The following OSBPL10 variants were observed in gnomAD, a reference collection of about 807,000 sequenced individuals.
OSBPL10 encodes oxysterol binding protein like 10.
OSBPL10 carries 49 observed loss-of-function variants against 81.7 expected under a neutral mutation model. That is an observed-to-expected ratio of 0.60 (90% CI 0.48 to 0.76). The LOEUF (loss-of-function observed/expected upper bound fraction) is 0.76, where lower values mean the gene tolerates loss of function less well. OSBPL10 is among the 30% of genes least tolerant of loss of function. The pLI is 0.00. For synonymous variants in OSBPL10, 419 were observed against 383.6 expected, an observed-to-expected ratio of 1.09 and a Z score of -1.08; for missense variants, 923 against 987.8, an observed-to-expected ratio of 0.93 and a Z score of 0.88.
At chr3:31,981,994 G>A (rs949623194), upstream of OSBPL10, 1 of 152,224 alleles carries the variant, frequency 6.6e-6, no homozygotes, top group Non-Finnish European at 1.5e-5. This position sits in a 1 kb window ranked among gnomAD's most constrained non-coding sequence, Gnocchi z 4.5. Context: ...GAACTCTCAG[G>A]TTTGTGCGAG....
At chr3:31,973,913 T>C (rs1354221737) in intron 1 of OSBPL10, among the ~76,000 whole-genome samples, 2 of 152,210 alleles carry the variant, frequency 1.3e-5, no homozygotes, top group South Asian at 4.1e-4. Context: ...AGTCAAAAAC[T>C]GGAAACAGCC....
At chr3:31,924,769 A>G (rs1697023184) in intron 1 of OSBPL10, among the ~76,000 whole-genome samples, 1 of 152,182 alleles carries the variant, frequency 6.6e-6, no homozygotes, top group South Asian at 2.1e-4. Flanking sequence ...TGTACCACTA[A>G]GGCAGCTATA....
chr3:31,661,979 T>A lies in OSBPL10; in HGVS notation c.*93A>T. Reference sequence around the variant, plus strand: ...TCATTTCTTGGATGCTAATACAAGGTCTCAGTGAATGCCAACAAAACCCTG... The same window carrying A: ...TCATTTCTTGGATGCTAATACAAGGACTCAGTGAATGCCAACAAAACCCTG... On this transcript the variant is annotated 3_prime_UTR_variant, in exon 12 of 12. Transcript: ENST00000396556. 1 of 1,529,290 alleles carries A rather than the reference T, an allele frequency of 6.5e-7. No individual in the cohort carries two copies. Among genetic ancestry groups the A allele is most frequent in the Non-Finnish European group, 8.9e-7 (1 of 1,124,890 alleles). The allele number at this position is 1,529,290 out of a possible 1,614,324, so 94.7% of individuals were successfully genotyped here.
At chr3:31,662,187 C>G in intron 11 of OSBPL10, 71 bp from the exon 12 acceptor site, 3 of 1,607,750 alleles carry the variant, frequency 1.9e-6, no homozygotes, top group Non-Finnish European at 2.5e-6. Context: ...CAAGGATAAC[C>G]GCAGCCACTC....
At chr3:31,992,589 T>C (rs1436768603) in intron 2 of OSBPL10, among the ~76,000 whole-genome samples, 10 of 152,166 alleles carry the variant, frequency 6.6e-5, no homozygotes, top group Admixed American at 1.3e-4. Flanking sequence ...TGCATCTCCT[T>C]CTCTGACTCT....
At chr3:31,993,775 T>G (rs1699061145) in intron 2 of OSBPL10, among the ~76,000 whole-genome samples, 1 of 151,938 alleles carries the variant, frequency 6.6e-6, no homozygotes, top group African/African-American at 2.4e-5. Context: ...CTGGTGAGAG[T>G]GCAAAATAAT....
chr3:31,848,085 C>T (rs1026628185), intron 3 of OSBPL10, among the ~76,000 whole-genome samples: 2 of 152,026 alleles, frequency 1.3e-5, no homozygotes, highest in Non-Finnish European at 2.9e-5. Flanking sequence ...TCACAGGTGT[C>T]GCCAGTTTGT....
At chr3:31,715,583 T>A (rs1408531182) in intron 6 of OSBPL10, among the ~76,000 whole-genome samples, 1 of 152,190 alleles carries the variant, frequency 6.6e-6, no homozygotes, top group Non-Finnish European at 1.5e-5. Context: ...AAATTCCTGA[T>A]GAAACACCAC....
intron 1 of OSBPL10, among the ~76,000 whole-genome samples, chr3:32,057,488 G>A (rs909471736): frequency 6.6e-6 from 1 of 152,182 alleles, no homozygotes; most frequent in African/African-American, 2.4e-5. Context: ...AGCGTGGTTG[G>A]AGAGGCATCA....
chr3:31,750,000 G>A (rs776521422), intron 4 of OSBPL10, among the ~76,000 whole-genome samples: 1 of 151,762 alleles, frequency 6.6e-6, no homozygotes, highest in Non-Finnish European at 1.5e-5. Context: ...CGCCAATGTG[G>A]TGAAACCCCA....
chr3:32,037,176 G>C (rs944973602), intron 2 of OSBPL10, among the ~76,000 whole-genome samples: 1 of 152,230 alleles, frequency 6.6e-6, no homozygotes, highest in South Asian at 2.1e-4. Context: ...CCGTGTGACA[G>C]AGAGAACAGG....
chr3:31,927,664 G>T (rs1295502818), intron 1 of OSBPL10, among the ~76,000 whole-genome samples: 1 of 152,174 alleles, frequency 6.6e-6, no homozygotes, highest in Non-Finnish European at 1.5e-5. Flanking sequence ...AATTTTCAGG[G>T]TCACCCAATA....
intron 3 of OSBPL10, among the ~76,000 whole-genome samples, chr3:31,856,762 C>T (rs957857836): frequency 1.2e-4 from 18 of 152,130 alleles, no homozygotes; most frequent in African/African-American, 3.9e-4. Flanking sequence ...ATGTAAGATA[C>T]ACCTAGGGCT....
chr3:31,750,848 A>G (rs529174691), intron 4 of OSBPL10, among the ~76,000 whole-genome samples: 40 of 152,330 alleles, frequency 2.6e-4, no homozygotes, highest in African/African-American at 8.7e-4. Context: ...ATCAACAAAA[A>G]GAACTATATT....
At chr3:32,053,748 T>G (rs1575093296) in intron 1 of OSBPL10, among the ~76,000 whole-genome samples, 1 of 152,074 alleles carries the variant, frequency 6.6e-6, no homozygotes, top group Non-Finnish European at 1.5e-5. Context: ...CTGAGGCAGG[T>G]GGATCACGGG....
At chr3:32,043,272 A>G (rs1397591146) in intron 2 of OSBPL10, among the ~76,000 whole-genome samples, 2 of 152,214 alleles carry the variant, frequency 1.3e-5, no homozygotes, top group Non-Finnish European at 2.9e-5. Context: ...GCTCTCTGCA[A>G]GAAGAAAAAT....
chr3:31,976,023 C>T (rs1297518892), intron 1 of OSBPL10, among the ~76,000 whole-genome samples: 2 of 152,096 alleles, frequency 1.3e-5, no homozygotes, highest in South Asian at 2.1e-4. Flanking sequence ...GATTTAGAGG[C>T]TGGGAAGGGG....
chr3:31,912,239 C>G (rs1442141000), intron 1 of OSBPL10, among the ~76,000 whole-genome samples: 2 of 151,680 alleles, frequency 1.3e-5, no homozygotes, highest in East Asian at 1.9e-4. Context: ...ATTAAAAATA[C>G]AAAAATTAGC....
intron 2 of OSBPL10, among the ~76,000 whole-genome samples, chr3:31,997,327 C>T (rs1336170753): frequency 6.6e-6 from 1 of 151,120 alleles, no homozygotes; most frequent in Non-Finnish European, 1.5e-5. Flanking sequence ...TGCAGTGGTG[C>T]GATTTCGGCT....
Sources: allele counts gnomAD v4.1 joint callset (sites outside exome capture counted in the v4.1 genomes callset), GRCh38; gene constraint gnomAD v4.1.1; non-coding constraint Gnocchi (gnomAD v3.1); transcripts MANE v1.5; gene names NCBI Gene and HGNC (gene_info 2026-07-23, HGNC 2026-07-21).